The following SSUH2 variants were observed in gnomAD, a reference collection of about 807,000 sequenced individuals.
SSUH2 encodes the protein protein SSUH2 homolog.
In SSUH2, 47 loss-of-function variants were observed where a neutral mutation model predicts 55.3. The ratio of observed to expected loss-of-function variants is 0.85; its 90% CI spans 0.67 to 1.08. The LOEUF (loss-of-function observed/expected upper bound fraction) is 1.08, where lower values mean the gene tolerates loss of function less well. SSUH2 is among the 50% of genes least tolerant of loss of function. SSUH2 has a pLI of 0.00. For synonymous variants in SSUH2, 212 were observed against 191.5 expected (o/e 1.11, Z -0.89); for missense variants, 535 against 490.7 (o/e 1.09, Z -0.85).
Position 8,631,261 on chromosome 3 carries a change from C to T in SSUH2, c.401-332G>A, listed in dbSNP as rs1011387490. ...ATACAAGATGGTAGTGAAAATTAAA[C>T]GGAAGAATGTATATAAAATTGTTAG... On this transcript the variant is annotated intron_variant, in intron 5 of 11. Coordinates refer to ENST00000544814, the MANE Select transcript of SSUH2 (RefSeq NM_001256748.3). 1.1e-4 allele frequency among the ~76,000 whole-genome samples: 16 copies of T among 152,168 alleles called. No individual in the cohort carries two copies. The South Asian group carries it at 1.9e-3, about 18-fold the overall frequency.
At chr3:8,681,105 G>C (rs111558857) in intron 1 of SSUH2, among the ~76,000 whole-genome samples, 4,912 of 96,722 alleles carry the variant, frequency 0.051, 273 homozygotes, top group African/African-American at 0.13. Flanking sequence ...ACCCCCGCGA[G>C]GCGGGTTCTG....
At chr3:8,648,970 C>A (rs1036534370), upstream of SSUH2, among the ~76,000 whole-genome samples, 1 of 152,128 alleles carries the variant, frequency 6.6e-6, no homozygotes, top group Non-Finnish European at 1.5e-5. Context: ...AGAACCTCAT[C>A]TCCAGCACCT....
intron 3 of SSUH2, among the ~76,000 whole-genome samples, chr3:8,634,895 G>A (rs1166083840): frequency 1.3e-5 from 2 of 152,176 alleles, no homozygotes; most frequent in African/African-American, 4.8e-5. Flanking sequence ...TCTGCAAAGG[G>A]CCACATAGTG....
upstream of SSUH2, among the ~76,000 whole-genome samples, chr3:8,647,454 A>T (rs968977544): frequency 6.6e-6 from 1 of 152,244 alleles, no homozygotes; most frequent in Non-Finnish European, 1.5e-5. Context: ...CTGTGGCTTC[A>T]GAGTCAGGGT....
chr3:8,625,545 C>G lies in SSUH2; in HGVS notation c.870G>C (p.Ser290=). The G allele has an allele frequency of 6.2e-7, 1 of 1,608,120 alleles. No homozygotes were observed. Among genetic ancestry groups the G allele is most frequent in the Non-Finnish European group, 8.5e-7 (1 of 1,174,776 alleles). The change falls in exon 10 of 12, where the codon TCG becomes TCC. Residue 290 remains serine (S), a synonymous_variant. Transcript: ENST00000544814. ...CCCATCTACAATGCCCTCTTACCACCGAGTTTTCATCCTTAAAGAGGTTTT... is the reference window on the plus strand; with the variant it reads ...CCCATCTACAATGCCCTCTTACCACGGAGTTTTCATCCTTAAAGAGGTTTT... ...KGENLFKDEN[S]VVYPIVDFPL...
chr3:8,655,872 C>T lies in SSUH2; in HGVS notation c.-307+3053G>A, dbSNP rs116227019. ...CCAGGATTTCAAAACCCGCTCTGTT[C>T]TATCCTAAGTTCAGAATGCTGGGGA... On this transcript the variant is annotated intron_variant, in intron 7 of 18. Coordinates refer to the SSUH2 transcript ENST00000317371. Among the ~76,000 whole-genome samples the T allele has an allele frequency of 8.8e-3, 1,334 of 152,324 alleles. 25 individuals are homozygous for T. Among genetic ancestry groups the T allele is most frequent in the African/African-American group, 0.03 (1,260 of 41,564 alleles).
At chr3:8,662,494 T>C (rs1044271798) in intron 6 of SSUH2, among the ~76,000 whole-genome samples, 6 of 152,276 alleles carry the variant, frequency 3.9e-5, no homozygotes, top group East Asian at 3.9e-4. Flanking sequence ...ACAAGGTTGT[T>C]GAGAAAATGA....
chr3:8,639,604 A>G (rs550709686), intron 1 of SSUH2, among the ~76,000 whole-genome samples: 3 of 152,304 alleles, frequency 2.0e-5, no homozygotes, highest in African/African-American at 7.2e-5. Context: ...TTTCTTTTGT[A>G]TAGAAAGGAA....
Position 8,634,787 on chromosome 3 carries a change from G to A in SSUH2, c.209+513C>T, listed in dbSNP as rs77054807. On this transcript the variant is annotated intron_variant, in intron 3 of 11. Transcript: ENST00000544814. ...TAGGGGGCAGCTCCACCTTCTCTCCGCACAAAGCTGGCTGGAAACCCTGAG... is the reference window on the plus strand; with the variant it reads ...TAGGGGGCAGCTCCACCTTCTCTCCACACAAAGCTGGCTGGAAACCCTGAG... 6.0e-3 allele frequency: 2,205 copies of A among 365,144 alleles called. 45 individuals are homozygous for A. Among genetic ancestry groups the A allele is most frequent in the African/African-American group, 0.043 (2,000 of 46,938 alleles). 22.6% of individuals were successfully genotyped at this position (365,144 alleles called of 1,614,324 possible). A position where few individuals can be genotyped will look rare whatever the true frequency, so the allele number is the denominator to read the frequency against.
At chr3:8,644,188 A>G (rs189124300) in intron 1 of SSUH2, among the ~76,000 whole-genome samples, 1 of 152,314 alleles carries the variant, frequency 6.6e-6, no homozygotes, top group African/African-American at 2.4e-5. Flanking sequence ...ATAAGCGATA[A>G]TGAACGAACT....
Position 8,679,632 on chromosome 3 carries a change from G to T in SSUH2, c.-901+73C>A, listed in dbSNP as rs1049674113. The T allele has an allele frequency of 2.7e-5, 5 of 182,996 alleles. No homozygotes were observed. In the South Asian group the frequency reaches 6.0e-4, roughly 22 times the overall value. The allele number at this position is 182,996 out of a possible 1,614,324, so 11.3% of individuals were successfully genotyped here. On this transcript the variant is annotated intron_variant, in intron 2 of 18. Transcript: ENST00000317371. ...GTGGAGGCACCCCCGGTGAGGCGGG[G>T]AATGAGAGCCAGTGCCTCTTCCCCC...
At chr3:8,628,248 G>A (rs1698004055) in intron 7 of SSUH2, among the ~76,000 whole-genome samples, 1 of 152,192 alleles carries the variant, frequency 6.6e-6, no homozygotes, top group Non-Finnish European at 1.5e-5. Flanking sequence ...GGAGTGAGCT[G>A]GGGATGCAAA....
intron 5 of SSUH2, among the ~76,000 whole-genome samples, chr3:8,667,391 C>T (rs1704087419): frequency 6.6e-6 from 1 of 152,200 alleles, no homozygotes; most frequent in Admixed American, 6.5e-5. Context: ...TGAGGACAAT[C>T]AGAGGTCACT....
chr3:8,674,773 T>C (rs1446354499), intron 3 of SSUH2, among the ~76,000 whole-genome samples: 1 of 152,154 alleles, frequency 6.6e-6, no homozygotes, highest in Non-Finnish European at 1.5e-5. Context: ...GGAGTCATTA[T>C]GACCCTTACG....
intron 7 of SSUH2, among the ~76,000 whole-genome samples, chr3:8,652,337 G>C (rs371369720): frequency 1.3e-5 from 2 of 152,196 alleles, no homozygotes; most frequent in Admixed American, 6.5e-5. Context: ...ACCAGTAACA[G>C]AAATGGCTTT....
chr3:8,631,059 G>T (rs1485249262), intron 5 of SSUH2, 130 bp from the exon 6 acceptor site: 2 of 960,758 alleles, frequency 2.1e-6, no homozygotes, highest in South Asian at 4.8e-5. Context: ...TACAGGGATG[G>T]ATAGTCAAGG....
At chr3:8,667,721 G>A (rs1437618159) in intron 5 of SSUH2, among the ~76,000 whole-genome samples, 2 of 152,130 alleles carry the variant, frequency 1.3e-5, no homozygotes, top group African/African-American at 2.4e-5. Context: ...TCCCCTCCTG[G>A]GGCTAAAAGT....
intron 7 of SSUH2, among the ~76,000 whole-genome samples, chr3:8,655,864 G>A (rs1011266492): frequency 3.3e-5 from 5 of 152,152 alleles, no homozygotes; most frequent in Admixed American, 1.3e-4. Context: ...TTCAAAACCC[G>A]CTCTGTTCTA....
Position 8,679,282 on chromosome 3 carries a change from G to C in SSUH2, c.-901+423C>G, listed in dbSNP as rs550055358. 5.5e-4 allele frequency among the ~76,000 whole-genome samples: 38 copies of C among 68,826 alleles called. 6 individuals carry two copies. The highest frequency in any genetic ancestry group is 3.2e-3 in the East Asian group (9 of 2,852). The allele number at this position is 68,826 out of a possible 152,430, so 45.2% of individuals were successfully genotyped here. On this transcript the variant is annotated intron_variant, in intron 2 of 18. Transcript: ENST00000317371. ...CCCCTGGCTTTTAGGACCCCCATCGGAGGGGGGGAGCCACCCCCCATGAGG... is the reference window on the plus strand; with the variant it reads ...CCCCTGGCTTTTAGGACCCCCATCGCAGGGGGGGAGCCACCCCCCATGAGG...
Sources: allele counts gnomAD v4.1 joint callset (sites outside exome capture counted in the v4.1 genomes callset), GRCh38; gene constraint gnomAD v4.1.1; transcripts MANE v1.5; gene names NCBI Gene and HGNC (gene_info 2026-07-23, HGNC 2026-07-21).